RBFOX1: variants seen among roughly 807,000 people sequenced by gnomAD.
RBFOX1 encodes the protein RNA binding protein fox-1 homolog 1.
In RBFOX1, 8 loss-of-function variants were observed where a neutral mutation model predicts 57.7. The observed-to-expected ratio is 0.14, with a 90% confidence interval of 0.08 to 0.25. The LOEUF (loss-of-function observed/expected upper bound fraction) is 0.25, where lower values mean the gene tolerates loss of function less well. Among genes scored for constraint, RBFOX1 ranks in the 10% least tolerant of loss-of-function variants. The probability of loss-of-function intolerance (pLI) is 1.00; values close to 1 mark genes in which losing one functional copy is unlikely to be tolerated. For missense variants in RBFOX1, 611 were observed against 548.5 expected, an observed-to-expected ratio of 1.11 and a Z score of -1.14; for synonymous variants, 326 against 222.4, an observed-to-expected ratio of 1.47 and a Z score of -4.15.
At chr16:7,683,482 C>G (rs931387070) in intron 14 of RBFOX1, among the ~76,000 whole-genome samples, 1 of 151,946 alleles carries the variant, frequency 6.6e-6, no homozygotes, top group Non-Finnish European at 1.5e-5. Flanking sequence ...AAAAAAAGAA[C>G]CAATCCTGTA....
chr16:7,040,937 A>C (rs2045947162), intron 3 of RBFOX1, among the ~76,000 whole-genome samples: 1 of 139,306 alleles, frequency 7.2e-6, no homozygotes, highest in Admixed American at 7.3e-5. Flanking sequence ...CTGGGGGGGG[A>C]AGGAGTCTTG....
chr16:7,499,933 C>G (rs987558007), intron 4 of RBFOX1, among the ~76,000 whole-genome samples: 1 of 152,044 alleles, frequency 6.6e-6, no homozygotes, highest in Non-Finnish European at 1.5e-5. Flanking sequence ...TGCTTCTTCC[C>G]TCTGATTTAC....
In RBFOX1 at chr16:6,029,215, C is replaced by G. The variant is rs547110312; in HGVS notation, c.-127+9223C>G. ...ATTTTGTTTCCTAGTGAATTTCATT[C>G]ATTTTGCTCAGGAAACTTTATTGGT... On this transcript the variant is annotated intron_variant, in intron 1 of 15. Transcript: ENST00000550418. Among the ~76,000 whole-genome samples, 3 of 152,286 alleles carry G rather than the reference C, an allele frequency of 2.0e-5. No individual in the cohort carries two copies. In the South Asian group the frequency reaches 6.2e-4, roughly 32 times the overall value.
intron 2 of RBFOX1, among the ~76,000 whole-genome samples, chr16:6,621,429 G>A (rs141207572): frequency 2.6e-4 from 40 of 152,254 alleles, no homozygotes; most frequent in East Asian, 7.7e-4. Context: ...GCGCCACTGC[G>A]CTCCAGCCTG....
chr16:7,384,001 C>T (rs953516525), intron 4 of RBFOX1, among the ~76,000 whole-genome samples: 2 of 149,100 alleles, frequency 1.3e-5, no homozygotes, highest in Non-Finnish European at 3.0e-5. Flanking sequence ...TTGCAGTGAG[C>T]AGAGATCGTG....
intron 3 of RBFOX1, among the ~76,000 whole-genome samples, chr16:6,869,558 A>G (rs1374699438): frequency 1.3e-5 from 2 of 152,118 alleles, no homozygotes; most frequent in African/African-American, 4.8e-5. Flanking sequence ...AAAGGAGATT[A>G]ACATTAATTT....
intron 3 of RBFOX1, among the ~76,000 whole-genome samples, chr16:6,903,655 T>G (rs1200511276): frequency 1.3e-5 from 2 of 152,210 alleles, no homozygotes; most frequent in Non-Finnish European, 2.9e-5. Flanking sequence ...GATAAGCAGG[T>G]GTTCTCTTTA....
intron 1 of RBFOX1, among the ~76,000 whole-genome samples, chr16:5,335,117 A>G (rs2151282905): frequency 6.6e-6 from 1 of 152,222 alleles, no homozygotes; most frequent in East Asian, 1.9e-4. Flanking sequence ...CAATGTTGCG[A>G]AGACTGAATA....
At chr16:7,706,422 A>G (rs1227132405) in intron 14 of RBFOX1, among the ~76,000 whole-genome samples, 2 of 152,186 alleles carry the variant, frequency 1.3e-5, no homozygotes, top group Non-Finnish European at 2.9e-5. Flanking sequence ...GTTTTCCACA[A>G]AGGTTGAAAC....
intron 4 of RBFOX1, among the ~76,000 whole-genome samples, chr16:7,147,228 C>G (rs145235179): frequency 1.4e-3 from 211 of 150,972 alleles, no homozygotes; most frequent in African/African-American, 4.8e-3. Flanking sequence ...TGGTCAGGAA[C>G]TCCTGACCTC....
intron 2 of RBFOX1, among the ~76,000 whole-genome samples, chr16:6,401,846 T>C (rs898878498): frequency 1.3e-5 from 2 of 152,020 alleles, no homozygotes; most frequent in African/African-American, 4.8e-5. Context: ...ATCCATTTTA[T>C]ATGTATCTAG....
chr16:6,568,060 G>T (rs1429396456), intron 2 of RBFOX1, among the ~76,000 whole-genome samples: 2 of 152,090 alleles, frequency 1.3e-5, no homozygotes, highest in South Asian at 2.1e-4. Context: ...GGCCTGAAGT[G>T]GTCCACTATT....
At chr16:6,957,138 T>TTATG (rs1320289301) in intron 3 of RBFOX1, among the ~76,000 whole-genome samples, 1 of 150,430 alleles carries the variant, frequency 6.6e-6, no homozygotes, top group East Asian at 1.9e-4. Context: ...ATTTATTTAT[T>TTATG]TATTTATTTT....
At chr16:5,599,138 A>G (rs1051627357) in exon 3 of RBFOX1, 2 of 671,306 alleles carry the variant, frequency 3.0e-6, no homozygotes, top group Non-Finnish European at 5.1e-6. Flanking sequence ...CACAATTTCT[A>G]TCACTTGGGC....
intron 3 of RBFOX1, among the ~76,000 whole-genome samples, chr16:6,966,925 A>G (rs1018475008): frequency 2.7e-5 from 4 of 149,528 alleles, no homozygotes; most frequent in Non-Finnish European, 5.9e-5. Context: ...CCATCCATCC[A>G]TCCATCCATC....
intron 2 of RBFOX1, among the ~76,000 whole-genome samples, chr16:6,476,890 T>G (rs1255645527): frequency 1.3e-5 from 2 of 152,250 alleles, no homozygotes; most frequent in Non-Finnish European, 2.9e-5. Context: ...ATATTCTACA[T>G]TCTTTGTTGT....
At chr16:7,052,650 G>C (rs2050508144) in intron 4 of RBFOX1, among the ~76,000 whole-genome samples, 1 of 152,148 alleles carries the variant, frequency 6.6e-6, no homozygotes, top group Non-Finnish European at 1.5e-5. Flanking sequence ...AACTGTCTTG[G>C]TGCTCAGGCA....
At chr16:6,486,471 T>C (rs886780540) in intron 2 of RBFOX1, among the ~76,000 whole-genome samples, 3 of 152,164 alleles carry the variant, frequency 2.0e-5, no homozygotes, top group Non-Finnish European at 2.9e-5. Context: ...GTTTAGCTTT[T>C]AGCTTTTATT....
At chr16:5,840,066 ACAGT>A (rs1176902787) in intron 3 of RBFOX1, among the ~76,000 whole-genome samples, 2 of 152,188 alleles carry the variant, frequency 1.3e-5, no homozygotes, top group Non-Finnish European at 2.9e-5. Context: ...TCCATTGTTG[ACAGT>A]CCATTTAGTA....
Sources: allele counts gnomAD v4.1 joint callset (sites outside exome capture counted in the v4.1 genomes callset), GRCh38; gene constraint gnomAD v4.1.1; transcripts MANE v1.5; gene names NCBI Gene and HGNC (gene_info 2026-07-23, HGNC 2026-07-21).